ZNF83: variants seen among roughly 807,000 people sequenced by gnomAD.
The protein encoded by ZNF83 is zinc finger protein 816B.
For synonymous variants in ZNF83, 209 were observed against 213.0 expected (o/e 0.98, Z 0.17); for missense variants, 552 against 629.9 (o/e 0.88, Z 1.32).
chr19:52,690,415 A>C (rs2062135096), intron 1 of ZNF83: 1 of 164,674 alleles, frequency 6.1e-6, no homozygotes, highest in Non-Finnish European at 1.3e-5. Flanking sequence ...TGGGAAATGC[A>C]GACTTAATAC....
chr19:52,613,093 C>T, exon 3 of ZNF83: 1 of 1,613,778 alleles, frequency 6.2e-7, no homozygotes, highest in Non-Finnish European at 8.5e-7. Flanking sequence ...GAAGAGTTTG[C>T]CACATTCATT....
At chr19:52,680,885 T>G (rs1429225153) in intron 1 of ZNF83, among the ~76,000 whole-genome samples, 2 of 151,834 alleles carry the variant, frequency 1.3e-5, no homozygotes, top group East Asian at 3.9e-4. Flanking sequence ...GTGCTGGGAT[T>G]ACAGGCGTGA....
chr19:52,639,383 G>A (rs976917819), upstream of ZNF83, among the ~76,000 whole-genome samples: 9 of 131,618 alleles, frequency 6.8e-5, no homozygotes, highest in Non-Finnish European at 9.7e-5. Context: ...ACCGCGCCCG[G>A]CTTATTTTCT....
chr19:52,681,280 C>CAAAAAAAAAAAAAAAAAA lies in ZNF83; in HGVS notation c.-283+9145_-283+9162dup, dbSNP rs56916405. On this transcript the variant is annotated intron_variant, in intron 1 of 5. Coordinates refer to the ZNF83 transcript ENST00000594682. ...CCTGGGTGACAGAGTGAGACTTTCTCAAAAAAAAAAAAAAAAAAAAAGCAA... is the reference window on the plus strand; with the variant it reads ...CCTGGGTGACAGAGTGAGACTTTCTCAAAAAAAAAAAAAAAAAAAAAAAAAAAAAAAAAAAAAAAGCAA... Among the ~76,000 whole-genome samples the CAAAAAAAAAAAAAAAAAA allele has an allele frequency of 1.4e-3, 102 of 75,406 alleles. 2 individuals are homozygous for CAAAAAAAAAAAAAAAAAA. The highest frequency in any genetic ancestry group is 1.8e-3 in the Non-Finnish European group (70 of 39,984). The allele number at this position is 75,406 out of a possible 152,430, so 49.5% of individuals were successfully genotyped here.
chr19:52,671,341 CATA>C (rs1475667348), intron 1 of ZNF83, among the ~76,000 whole-genome samples: 2 of 152,074 alleles, frequency 1.3e-5, no homozygotes, highest in African/African-American at 4.8e-5. Context: ...TTGTTGACAA[CATA>C]ATATGCTAAC....
At chr19:52,676,152 C>A (rs1031278213) in intron 1 of ZNF83, among the ~76,000 whole-genome samples, 13 of 152,154 alleles carry the variant, frequency 8.5e-5, no homozygotes, top group Non-Finnish European at 1.6e-4. Context: ...GACTGGTTTT[C>A]GTATTTTTTT....
chr19:52,687,542 T>G (rs373260364), intron 1 of ZNF83, among the ~76,000 whole-genome samples: 11 of 30,662 alleles, frequency 3.6e-4, no homozygotes, highest in African/African-American at 1.1e-3. Flanking sequence ...ATTATATATA[T>G]AAATTATATG....
chr19:52,628,389 A>C (rs2060821489), intron 2 of ZNF83, among the ~76,000 whole-genome samples: 1 of 151,962 alleles, frequency 6.6e-6, no homozygotes, highest in African/African-American at 2.4e-5. Flanking sequence ...ACTATCCCTC[A>C]ACCTCTGTCT....
intron 3 of ZNF83, chr19:52,652,566 C>A: frequency 6.9e-6 from 3 of 434,254 alleles, no homozygotes; most frequent in South Asian, 1.8e-5. Flanking sequence ...TGTAACGTTT[C>A]TTTCCAGTAT....
chr19:52,655,531 T>A, intron 3 of ZNF83: 1 of 1,456,746 alleles, frequency 6.9e-7, no homozygotes. Flanking sequence ...AAGGGCAGAT[T>A]CCTCACATCA....
intron 1 of ZNF83, among the ~76,000 whole-genome samples, chr19:52,673,554 T>A (rs891039580): frequency 6.6e-6 from 1 of 151,964 alleles, no homozygotes; most frequent in Admixed American, 6.6e-5. Flanking sequence ...AAAAAAAATA[T>A]AGAAAGTCAC....
intron 2 of ZNF83, among the ~76,000 whole-genome samples, chr19:52,621,046 A>G (rs190038536): frequency 2.8e-4 from 43 of 152,324 alleles, no homozygotes; most frequent in Admixed American, 5.9e-4. Context: ...GCACCCAGGT[A>G]AAATAAACAG....
intron 3 of ZNF83, among the ~76,000 whole-genome samples, chr19:52,649,918 T>C (rs918947023): frequency 1.3e-5 from 2 of 152,088 alleles, no homozygotes; most frequent in Non-Finnish European, 2.9e-5. Flanking sequence ...TCTGACAGAA[T>C]GCACCAGAGG....
rs185522819 is a variant in ZNF83, at chr19:52,687,403, G to T, written c.-283+3040C>A. On this transcript the variant is annotated intron_variant, in intron 1 of 5. Transcript: ENST00000594682. ...AATTTATATATATATAATTTATATAGCTATATAAATTATAATATAAATTAT... is the reference window on the plus strand; with the variant it reads ...AATTTATATATATATAATTTATATATCTATATAAATTATAATATAAATTAT... 2.8e-4 allele frequency among the ~76,000 whole-genome samples: 12 copies of T among 42,168 alleles called. 4 individuals carry two copies. Among genetic ancestry groups the T allele is most frequent in the East Asian group, 9.7e-4 (2 of 2,056 alleles). 27.7% of individuals were successfully genotyped at this position (42,168 alleles called of 152,430 possible).
At chr19:52,641,824 AG>A (rs2061309885), upstream of ZNF83, among the ~76,000 whole-genome samples, 1 of 152,202 alleles carries the variant, frequency 6.6e-6, no homozygotes, top group Admixed American at 6.5e-5. Flanking sequence ...CAGGTGCCCA[AG>A]GTTTTCAGGC....
intron 1 of ZNF83, among the ~76,000 whole-genome samples, chr19:52,683,226 C>CTGTGTG (rs1491245050): frequency 7.4e-6 from 1 of 135,652 alleles, no homozygotes; most frequent in African/African-American, 2.7e-5. Flanking sequence ...TGCCCTGTGA[C>CTGTGTG]TCTGTGTGTG....
chr19:52,623,555 A>C (rs994311571), intron 2 of ZNF83, among the ~76,000 whole-genome samples: 9 of 152,066 alleles, frequency 5.9e-5, no homozygotes, highest in African/African-American at 1.7e-4. Flanking sequence ...CTATTCCTGG[A>C]CTACAGCCAC....
At chr19:52,662,247 G>A (rs2061590196) in intron 1 of ZNF83, among the ~76,000 whole-genome samples, 2 of 152,164 alleles carry the variant, frequency 1.3e-5, no homozygotes, top group Admixed American at 1.3e-4. Context: ...GTTTGGCTAA[G>A]TCCCCAGAAG....
At chr19:52,657,677 G>A (rs11666462) in intron 2 of ZNF83, among the ~76,000 whole-genome samples, 53 of 152,152 alleles carry the variant, frequency 3.5e-4, no homozygotes, top group African/African-American at 1.1e-3. Flanking sequence ...GAGAAACCCC[G>A]TCTCTACTAA....
Sources: allele counts gnomAD v4.1 joint callset (sites outside exome capture counted in the v4.1 genomes callset), GRCh38; gene constraint gnomAD v4.1.1; transcripts MANE v1.5; gene names NCBI Gene and HGNC (gene_info 2026-07-23, HGNC 2026-07-21).